WDR33: variants seen among roughly 807,000 people sequenced by gnomAD.
WDR33 encodes pre-mRNA 3' end processing protein WDR33.
WDR33 carries 47 observed loss-of-function variants against 164.9 expected under a neutral mutation model. The ratio of observed to expected loss-of-function variants is 0.29; its 90% CI spans 0.23 to 0.36. WDR33 has a LOEUF of 0.36. WDR33 is among the 10% of genes least tolerant of loss of function. WDR33 has a pLI of 1.00. For synonymous variants in WDR33, 505 were observed against 589.0 expected, an observed-to-expected ratio of 0.86 and a Z score of 2.06; for missense variants, 1,137 against 1,754.1, an observed-to-expected ratio of 0.65 and a Z score of 6.28.
In WDR33 at chr2:127,709,858, T is replaced by A. The variant is rs928127263; in HGVS notation, c.3309-2A>T. ...CTCGGCGGGGCTCCTCTTCTGAAAC[T>A]GTAAAGAGAAAACAGCAGAATGTCC... On this transcript the variant is annotated splice_acceptor_variant, in intron 18 of 21. Coordinates refer to ENST00000322313, the MANE Select transcript of WDR33 (RefSeq NM_018383.5). LOFTEE classifies it high-confidence loss of function. This position sits in a 1 kb window ranked among gnomAD's most constrained non-coding sequence, Gnocchi z 5.0. The A allele has an allele frequency of 1.9e-5, 30 of 1,613,192 alleles. No homozygotes were observed. The highest frequency in any genetic ancestry group is 2.4e-5 in the Non-Finnish European group (28 of 1,179,780).
In WDR33 at chr2:127,764,199, A is replaced by G. The variant is rs192907815; in HGVS notation, c.626+629T>C. 2.7e-3 allele frequency: 2,865 copies of G among 1,062,362 alleles called. 5 individuals are homozygous for G. The highest frequency in any genetic ancestry group is 4.9e-3 in the Middle Eastern group (11 of 2,260). 65.8% of individuals were successfully genotyped at this position (1,062,362 alleles called of 1,614,324 possible). On this transcript the variant is annotated intron_variant, in intron 6 of 21. Coordinates refer to ENST00000322313, the MANE Select transcript of WDR33 (RefSeq NM_018383.5). This position sits in a 1 kb window ranked among gnomAD's most constrained non-coding sequence, Gnocchi z 6.2. ...ATTTTAAACTCCACTTATTGTATAC[A>G]TTTGCATAAGTGATGTTATCAACAG...
intron 4 of WDR33, 140 bp from the exon 5 acceptor site, chr2:127,765,409 C>A: frequency 1.5e-6 from 1 of 665,498 alleles, no homozygotes; most frequent in South Asian, 1.9e-5. Flanking sequence ...TCAGCTTTAT[C>A]AGAAGTACTT....
Position 127,705,875 on chromosome 2 carries a change from A to C in WDR33, c.*448T>G, listed in dbSNP as rs1286702051. 1.3e-5 allele frequency: 2 copies of C among 157,356 alleles called. No individual in the cohort carries two copies. Among genetic ancestry groups the C allele is most frequent in the African/African-American group, 4.8e-5 (2 of 41,656 alleles). The allele number at this position is 157,356 out of a possible 1,614,324, so 9.7% of individuals were successfully genotyped here. A position where few individuals can be genotyped will look rare whatever the true frequency, so the allele number is the denominator to read the frequency against. ...TTCCTTGGCAGATGGGATGCGATGG[A>C]AACCAAAGGTTTCCTTAAGGCAAGC... On this transcript the variant is annotated 3_prime_UTR_variant, in exon 22 of 22. Coordinates refer to ENST00000322313, the MANE Select transcript of WDR33 (RefSeq NM_018383.5). This position sits in a 1 kb window ranked among gnomAD's most constrained non-coding sequence, Gnocchi z 4.5.
chr2:127,783,532 G>A (rs1330692518), intron 1 of WDR33, among the ~76,000 whole-genome samples: 2 of 150,826 alleles, frequency 1.3e-5, no homozygotes, highest in African/African-American at 4.9e-5. Flanking sequence ...TAAGTAATTT[G>A]GACAGTCTAC....
chr2:127,765,962 T>C (rs1241445828), intron 4 of WDR33, among the ~76,000 whole-genome samples: 1 of 152,198 alleles, frequency 6.6e-6, no homozygotes, highest in Non-Finnish European at 1.5e-5. Flanking sequence ...TTTCAGGGAA[T>C]GACTATGCCA....
In WDR33 at chr2:127,704,904, G is replaced by C. The variant is rs181243557; in HGVS notation, c.*1419C>G. ...GGAGTTTGAAACCAGCATAGACAAA[G>C]TGGTGAAACTCCATCTCTACAAAAA... is the stretch of plus-strand genomic sequence containing the variant. On this transcript the variant is annotated 3_prime_UTR_variant, in exon 22 of 22. Transcript: ENST00000322313. The C allele has an allele frequency of 6.2e-6, 1 of 161,300 alleles. No homozygotes were observed. Among genetic ancestry groups the C allele is most frequent in the East Asian group, 1.9e-4 (1 of 5,184 alleles). 10.0% of individuals were successfully genotyped at this position (161,300 alleles called of 1,614,324 possible). A position where few individuals can be genotyped will look rare whatever the true frequency, so the allele number is the denominator to read the frequency against.
chr2:127,706,836 G>C lies in WDR33; in HGVS notation c.3782-284C>G, dbSNP rs1686027910. 6.6e-6 allele frequency among the ~76,000 whole-genome samples: 1 copy of C among 152,232 alleles called. No individual in the cohort carries two copies. The highest frequency in any genetic ancestry group is 2.4e-5 in the African/African-American group (1 of 41,466). ...AAGAGATGAGCAAGGAGCACCTTCA[G>C]GGAGACCCGGGCCACACTGGGCCAT... is the stretch of plus-strand genomic sequence containing the variant. On this transcript the variant is annotated intron_variant, in intron 21 of 21. Coordinates refer to ENST00000322313, the MANE Select transcript of WDR33 (RefSeq NM_018383.5). The surrounding 1 kb of genome is among the most constrained non-coding windows in gnomAD (Gnocchi z 5.1).
rs891197999 is a variant in WDR33, at chr2:127,737,853, C to T, written c.725-11076G>A. 7.9e-6 allele frequency: 11 copies of T among 1,387,824 alleles called. No individual in the cohort carries two copies. The African/African-American group carries it at 1.5e-4, about 19-fold the overall frequency. The allele number at this position is 1,387,824 out of a possible 1,614,324, so 86.0% of individuals were successfully genotyped here. On this transcript the variant is annotated intron_variant, in intron 7 of 21. Coordinates refer to ENST00000322313, the MANE Select transcript of WDR33 (RefSeq NM_018383.5). ...TGAGAATTTAGAAACATAAAAGCAA[C>T]AAATAATCCGTGTCAAAGTAGAAGA...
rs1488774748 is a variant in WDR33, at chr2:127,704,255, A to ATTGT, written c.*2064_*2067dup. 6.0e-6 allele frequency: 1 copy of ATTGT among 166,996 alleles called. No homozygotes were observed. The highest frequency in any genetic ancestry group is 2.4e-5 in the African/African-American group (1 of 41,470). The allele number at this position is 166,996 out of a possible 1,614,324, so 10.3% of individuals were successfully genotyped here. The stretch of plus-strand genomic sequence containing the variant: ...TTTAATAAGTATAATGTAGAGGTTT[A>ATTGT]TTGTTTAAATGAATTCACTCTCAAA... On this transcript the variant is annotated 3_prime_UTR_variant, in exon 22 of 22. Coordinates refer to ENST00000322313, the MANE Select transcript of WDR33 (RefSeq NM_018383.5).
At position 127,726,796 on chromosome 2, in the gene WDR33, G is replaced by T. The variant is rs1686581743; in HGVS notation, c.725-19C>A. On this transcript the variant is annotated intron_variant, in intron 7 of 21. Coordinates refer to ENST00000322313, the MANE Select transcript of WDR33 (RefSeq NM_018383.5). The surrounding 1 kb of genome is among the most constrained non-coding windows in gnomAD (Gnocchi z 4.8). ...CCATGCCCTGTCGGAAACAAGTTAG[G>T]ATTAAAACCTAATTAGTTACATGCA... is the stretch of plus-strand genomic sequence containing the variant. The T allele has an allele frequency of 1.9e-6, 3 of 1,612,954 alleles. No homozygotes were observed. The highest frequency in any genetic ancestry group is 2.5e-6 in the Non-Finnish European group (3 of 1,179,588).
Position 127,725,056 on chromosome 2 carries a change from C to T in WDR33, c.1006+5G>A. 1 of 1,613,984 alleles carries T rather than the reference C, an allele frequency of 6.2e-7. No individual in the cohort carries two copies. The highest frequency in any genetic ancestry group is 8.5e-7 in the Non-Finnish European group (1 of 1,179,938). On this transcript the variant is annotated splice_donor_5th_base_variant and intron_variant, in intron 9 of 21. Transcript: ENST00000322313. Reference sequence around the variant, plus strand: ...GTCAATGAGAAGCATATCACAGCCACTGACCTGTGGCTTCTTTCTTATGAC... The same window carrying T: ...GTCAATGAGAAGCATATCACAGCCATTGACCTGTGGCTTCTTTCTTATGAC...
intron 1 of WDR33, among the ~76,000 whole-genome samples, chr2:127,790,662 G>A (rs1050997538): frequency 1.9e-4 from 29 of 151,992 alleles, no homozygotes; most frequent in African/African-American, 4.4e-4. Context: ...AGGCTACAGC[G>A]CATGGCCAGA....
chr2:127,726,000 G>C (rs1161191008), intron 8 of WDR33, among the ~76,000 whole-genome samples: 1 of 152,042 alleles, frequency 6.6e-6, no homozygotes, highest in African/African-American at 2.4e-5. Flanking sequence ...TATCTCCAAG[G>C]GAGCATTCAC....
chr2:127,733,341 CAGT>C (rs1216165093), intron 7 of WDR33, among the ~76,000 whole-genome samples: 9 of 152,198 alleles, frequency 5.9e-5, no homozygotes, highest in African/African-American at 2.2e-4. Flanking sequence ...GCAGAATCCT[CAGT>C]AGGATGGCAG....
In WDR33 at chr2:127,738,132, T is replaced by C. The variant is rs10197281; in HGVS notation, c.725-11355A>G. On this transcript the variant is annotated intron_variant, in intron 7 of 21. Coordinates refer to ENST00000322313, the MANE Select transcript of WDR33 (RefSeq NM_018383.5). This position sits in a 1 kb window ranked among gnomAD's most constrained non-coding sequence, Gnocchi z 4.4. ...CTATCACATGAGCCCTGGCAGATTG[T>C]GTAATTTCCAGATATGACTGAGATT... 5,460 of 1,379,066 alleles carry C rather than the reference T, an allele frequency of 4.0e-3. 203 individuals carry two copies. The African/African-American group carries it at 0.075, about 19-fold the overall frequency. 85.4% of individuals were successfully genotyped at this position (1,379,066 alleles called of 1,614,324 possible). A position where few individuals can be genotyped will look rare whatever the true frequency, so the allele number is the denominator to read the frequency against.
Position 127,720,139 on chromosome 2 carries a change from G to C in WDR33, c.1886C>G (p.Pro629Arg), listed in dbSNP as rs1201822432. The C allele has an allele frequency of 6.2e-7, 1 of 1,614,184 alleles. No individual in the cohort carries two copies. The highest frequency in any genetic ancestry group is 1.7e-5 in the Admixed American group (1 of 60,024). Residue 629 changes from proline to arginine, a missense_variant, in exon 16 of 22, where the codon CCT (proline) becomes CGT (arginine). Pro to Arg is a moderately radical substitution (Grantham distance 103, BLOSUM62 -2). Coordinates refer to ENST00000322313, the MANE Select transcript of WDR33 (RefSeq NM_018383.5). The surrounding 1 kb of genome is among the most constrained non-coding windows in gnomAD (Gnocchi z 5.9). ...PPGPQGQFRP[P>R]GPQGQMGPQG... Reference sequence around the variant, plus strand: ...TGGTCCCATTTGTCCCTGGGGTCCAGGAGGCCTAAACTGTCCCTGTGGACC... The same window carrying C: ...TGGTCCCATTTGTCCCTGGGGTCCACGAGGCCTAAACTGTCCCTGTGGACC...
At chr2:127,760,360 C>T (rs527690184) in intron 7 of WDR33, among the ~76,000 whole-genome samples, 36 of 152,284 alleles carry the variant, frequency 2.4e-4, no homozygotes, top group African/African-American at 4.3e-4. Context: ...AGAGTCTATG[C>T]GTGTTACATG....
At chr2:127,761,030 T>C (rs1238709950) in intron 7 of WDR33, among the ~76,000 whole-genome samples, 3 of 152,140 alleles carry the variant, frequency 2.0e-5, no homozygotes, top group African/African-American at 7.2e-5. Flanking sequence ...CAAAGGAAAG[T>C]TCTTAATGAA....
At chr2:127,753,737 AT>A (rs1252355770) in intron 7 of WDR33, among the ~76,000 whole-genome samples, 1 of 152,254 alleles carries the variant, frequency 6.6e-6, no homozygotes, top group Admixed American at 6.5e-5. Flanking sequence ...ATATGGAGGC[AT>A]CTAGATTCAG....
Sources: gnomAD v4.1 joint callset for allele counts (sites outside exome capture counted in the v4.1 genomes callset) on GRCh38, gnomAD v4.1.1 for gene constraint, Gnocchi (gnomAD v3.1) non-coding constraint, MANE v1.5 for transcripts, NCBI Gene and HGNC (gene_info 2026-07-23, HGNC 2026-07-21) for gene names.